The following ROR1 variants were observed in gnomAD, a reference collection of about 807,000 sequenced individuals.
The protein encoded by ROR1 is inactive tyrosine-protein kinase transmembrane receptor ROR1.
In ROR1, 19 loss-of-function variants were observed where a neutral mutation model predicts 78.8. The observed-to-expected ratio is 0.24, with a 90% CI of 0.17 to 0.35. ROR1 has a LOEUF of 0.35. Ranked by LOEUF, ROR1 falls within the 10% of genes least tolerant of loss-of-function variation. ROR1 has a pLI of 1.00. For missense variants in ROR1, 917 were observed against 1,177.8 expected (o/e 0.78, Z 3.24); for synonymous variants, 386 against 433.6 (o/e 0.89, Z 1.36).
At chr1:63,853,765 T>C (rs1342717230) in intron 1 of ROR1, among the ~76,000 whole-genome samples, 3 of 152,236 alleles carry the variant, frequency 2.0e-5, no homozygotes, top group Non-Finnish European at 4.4e-5. Context: ...GAGGTTTCCT[T>C]AGTGAAACAC....
intron 4 of ROR1, among the ~76,000 whole-genome samples, chr1:64,078,111 T>C (rs763835706): frequency 6.6e-6 from 1 of 152,330 alleles, no homozygotes; most frequent in Middle Eastern, 3.4e-3. Flanking sequence ...ATTGCTACAG[T>C]TGATCAAGCA....
intron 1 of ROR1, among the ~76,000 whole-genome samples, chr1:63,947,305 A>G (rs1294501549): frequency 1.3e-5 from 2 of 152,150 alleles, no homozygotes; most frequent in Non-Finnish European, 2.9e-5. Flanking sequence ...ATTACCATCT[A>G]TGCTAATATG....
At chr1:63,802,967 G>A (rs553305918) in intron 1 of ROR1, among the ~76,000 whole-genome samples, 4 of 152,284 alleles carry the variant, frequency 2.6e-5, no homozygotes, top group African/African-American at 9.6e-5. Context: ...ATTTCAACAT[G>A]CAATCTTTAT....
At chr1:63,819,435 G>T (rs1351385879) in intron 1 of ROR1, among the ~76,000 whole-genome samples, 1 of 152,122 alleles carries the variant, frequency 6.6e-6, no homozygotes, top group Non-Finnish European at 1.5e-5. Flanking sequence ...CTGCTTCCTT[G>T]TTGAGTGTGA....
chr1:63,986,377 A>G (rs1646252110), intron 1 of ROR1, among the ~76,000 whole-genome samples: 1 of 152,132 alleles, frequency 6.6e-6, no homozygotes, highest in Admixed American at 6.6e-5. Flanking sequence ...TCATTTTGAC[A>G]TAAAGGATGA....
At chr1:64,085,593 C>A (rs796774882) in intron 4 of ROR1, among the ~76,000 whole-genome samples, 16 of 152,250 alleles carry the variant, frequency 1.1e-4, no homozygotes, top group African/African-American at 2.6e-4. Flanking sequence ...ATGCTTTTCA[C>A]CACAGCTGTA....
intron 8 of ROR1, among the ~76,000 whole-genome samples, chr1:64,162,239 G>A (rs1649966629): frequency 6.6e-6 from 1 of 152,158 alleles, no homozygotes; most frequent in South Asian, 2.1e-4. Flanking sequence ...GTGCCCTTCA[G>A]GGTTTAAACT....
rs143249829 is a variant in ROR1, at chr1:63,953,362, G to A, written c.92-55943G>A. On this transcript the variant is annotated intron_variant, in intron 1 of 8. Transcript: ENST00000371079. ...TGCCAAAAACCATGGATAACACTGA[G>A]CCCTATATTTACTATGTTTCCTACA... is the stretch of plus-strand genomic sequence containing the variant. Among the ~76,000 whole-genome samples the A allele has an allele frequency of 1.1e-4, 17 of 152,224 alleles. No homozygotes were observed. In the East Asian group the frequency reaches 2.7e-3, roughly 24 times the overall value.
intron 1 of ROR1, among the ~76,000 whole-genome samples, chr1:63,933,038 C>T (rs1182134639): frequency 1.3e-5 from 2 of 152,106 alleles, no homozygotes; most frequent in Admixed American, 6.5e-5. Context: ...GAGATTGAGC[C>T]CAGGGATCTT....
At chr1:64,104,824 G>T (rs1647725044) in intron 4 of ROR1, among the ~76,000 whole-genome samples, 1 of 152,180 alleles carries the variant, frequency 6.6e-6, no homozygotes, top group South Asian at 2.1e-4. Context: ...GTATTCCATG[G>T]TGTATATGTA....
chr1:63,824,247 C>A (rs765604279), intron 1 of ROR1, among the ~76,000 whole-genome samples: 4 of 152,154 alleles, frequency 2.6e-5, no homozygotes, highest in Non-Finnish European at 4.4e-5. Context: ...AGATTTCAGG[C>A]TTTGCAGGCC....
At chr1:63,936,527 AT>A (rs1164555126) in intron 1 of ROR1, among the ~76,000 whole-genome samples, 1 of 152,188 alleles carries the variant, frequency 6.6e-6, no homozygotes, top group Non-Finnish European at 1.5e-5. Flanking sequence ...GTTAAGAATT[AT>A]TTTTTAACGC....
At chr1:63,963,056 G>A (rs1433644405) in intron 1 of ROR1, among the ~76,000 whole-genome samples, 5 of 152,138 alleles carry the variant, frequency 3.3e-5, no homozygotes, top group Non-Finnish European at 5.9e-5. Flanking sequence ...AGTGCCTGGT[G>A]TACACTAGAC....
At chr1:64,155,193 G>A (rs1223674918) in intron 7 of ROR1, among the ~76,000 whole-genome samples, 1 of 152,018 alleles carries the variant, frequency 6.6e-6, no homozygotes, top group African/African-American at 2.4e-5. Context: ...TGTGCCTTCC[G>A]GGTTAAAATG....
At chr1:64,016,851 C>G (rs12064183) in intron 2 of ROR1, among the ~76,000 whole-genome samples, 4,857 of 151,506 alleles carry the variant, frequency 0.032, 279 homozygotes, top group African/African-American at 0.11. Flanking sequence ...CAAGCAATAT[C>G]TGGAGTAATT....
chr1:64,154,717 A>G (rs1230562418), intron 7 of ROR1, among the ~76,000 whole-genome samples: 2 of 152,224 alleles, frequency 1.3e-5, no homozygotes, highest in African/African-American at 4.8e-5. Flanking sequence ...GAAATTAATC[A>G]TGTGATCTGG....
At position 64,178,465 on chromosome 1, in the gene ROR1, G is replaced by T. The variant is rs201485634; in HGVS notation, c.2424G>T (p.Pro808=). Residue 808 remains proline, a synonymous_variant, in exon 9 of 9, where the codon CCG becomes CCT. Coordinates refer to ENST00000371079, the MANE Select transcript of ROR1 (RefSeq NM_005012.4). The surrounding 1 kb of genome is among the most constrained non-coding windows in gnomAD (Gnocchi z 4.3). ...GCCAGATTGCTGGTTTCATTGGCCC[G>T]CCAATACCTCAGAACCAGCGATTCA... is the stretch of plus-strand genomic sequence containing the variant. ...PQGQIAGFIG[P]PIPQNQRFIP... is the part of the protein sequence containing the mutation. The T allele has an allele frequency of 1.2e-5, 20 of 1,614,118 alleles. No homozygotes were observed. In the South Asian group the frequency reaches 2.2e-4, roughly 18 times the overall value.
chr1:64,153,161 A>G (rs571764460), intron 7 of ROR1, among the ~76,000 whole-genome samples: 2 of 152,228 alleles, frequency 1.3e-5, no homozygotes, highest in Non-Finnish European at 2.9e-5. Context: ...GGCCAAAAGC[A>G]TATGAAAAGA....
At position 64,036,914 on chromosome 1, in the gene ROR1, C is replaced by T. The variant is rs189359056; in HGVS notation, c.164-12777C>T. On this transcript the variant is annotated intron_variant, in intron 2 of 8. Transcript: ENST00000371079. ...TTTGTCATTCACATGTCTGGTGTCT[C>T]GACTGAGAAGACAAAAACAGCTGGA... is the stretch of plus-strand genomic sequence containing the variant. Among the ~76,000 whole-genome samples, 790 of 152,252 alleles carry T rather than the reference C, an allele frequency of 5.2e-3. 5 individuals carry two copies. The highest frequency in any genetic ancestry group is 7.8e-3 in the Admixed American group (120 of 15,288).
Sources: allele counts gnomAD v4.1 joint callset (sites outside exome capture counted in the v4.1 genomes callset), GRCh38; gene constraint gnomAD v4.1.1; non-coding constraint Gnocchi (gnomAD v3.1); transcripts MANE v1.5; gene names NCBI Gene and HGNC (gene_info 2026-07-23, HGNC 2026-07-21).